PKHD1: variants seen among roughly 807,000 people sequenced by gnomAD.
PKHD1 encodes the protein PKHD1 ciliary IPT domain containing fibrocystin/polyductin, also known as fibrocystin.
PKHD1 carries 291 observed loss-of-function variants against 412.0 expected under a neutral mutation model. The observed-to-expected ratio is 0.71, with a 90% confidence interval of 0.64 to 0.78. PKHD1 has a LOEUF of 0.78. Ranked by LOEUF, PKHD1 falls within the 30% of genes least tolerant of loss-of-function variation. The probability of loss-of-function intolerance (pLI) is 0.00; values close to 1 mark genes in which losing one functional copy is unlikely to be tolerated. For missense variants in PKHD1, 4,825 were observed against 4,950.7 expected, an observed-to-expected ratio of 0.97 and a Z score of 0.76; for synonymous variants, 1,777 against 1,821.5, an observed-to-expected ratio of 0.98 and a Z score of 0.62.
chr6:51,696,865 A>G (rs921766020), intron 60 of PKHD1, among the ~76,000 whole-genome samples: 1 of 152,026 alleles, frequency 6.6e-6, no homozygotes, highest in African/African-American at 2.4e-5. Flanking sequence ...AGAGAGGAAA[A>G]CAGTATTTAG....
At chr6:51,959,512 C>A (rs1371827864) in intron 36 of PKHD1, among the ~76,000 whole-genome samples, 1 of 152,090 alleles carries the variant, frequency 6.6e-6, no homozygotes, top group Admixed American at 6.6e-5. Flanking sequence ...CAGGGTATTT[C>A]AAAGGCAGCA....
rs115766491 is a variant in PKHD1, at chr6:51,816,847, A to T, written c.8302+14014T>A. Reference sequence around the variant, plus strand: ...GGCTCAGGAGGCTGCCCAATTTGCAAACGGTTCTTTGCTCAATTAAACTCT... The same window carrying T: ...GGCTCAGGAGGCTGCCCAATTTGCATACGGTTCTTTGCTCAATTAAACTCT... On this transcript the variant is annotated intron_variant, in intron 52 of 66. Transcript: ENST00000371117. 5.2e-3 allele frequency among the ~76,000 whole-genome samples: 788 copies of T among 152,342 alleles called. 3 individuals are homozygous for T. The highest frequency in any genetic ancestry group is 0.014 in the Middle Eastern group (4 of 294).
In PKHD1 at chr6:51,661,545, CAAG is replaced by C. The variant is rs1029049843; in HGVS notation, c.10157-1579_10157-1577del. The stretch of plus-strand genomic sequence containing the variant: ...CCTAAACATAAAAAGTAAAGAAATA[CAAG>C]AAGAAGGAAAGAAGAAAGTAGTAAC... On this transcript the variant is annotated intron_variant, in intron 60 of 66. Transcript: ENST00000371117. Among the ~76,000 whole-genome samples the C allele has an allele frequency of 2.0e-5, 3 of 151,818 alleles. No individual in the cohort carries two copies. The East Asian group carries it at 5.8e-4, about 29-fold the overall frequency.
At chr6:51,785,199 T>C (rs976851797) in intron 53 of PKHD1, among the ~76,000 whole-genome samples, 2 of 152,128 alleles carry the variant, frequency 1.3e-5, no homozygotes, top group African/African-American at 2.4e-5. Flanking sequence ...AAAGGAAACT[T>C]TGGAAAATCA....
At chr6:52,067,183 A>T (rs558725987) in intron 11 of PKHD1, among the ~76,000 whole-genome samples, 1 of 152,334 alleles carries the variant, frequency 6.6e-6, no homozygotes, top group East Asian at 1.9e-4. Flanking sequence ...GGAGGCAAAG[A>T]TTGATCCCTT....
chr6:51,993,841 A>C (rs1207692944), intron 35 of PKHD1, among the ~76,000 whole-genome samples: 1 of 152,224 alleles, frequency 6.6e-6, no homozygotes, highest in African/African-American at 2.4e-5. Flanking sequence ...GTTAGACTGA[A>C]AAGAAACCTT....
At chr6:51,642,903 T>C (rs754172825) in intron 63 of PKHD1, among the ~76,000 whole-genome samples, 8 of 151,982 alleles carry the variant, frequency 5.3e-5, no homozygotes, top group Non-Finnish European at 1.0e-4. Flanking sequence ...TAGGTATGGA[T>C]AAGGTCTGGA....
chr6:51,990,155 TA>T (rs1796869442), intron 35 of PKHD1, among the ~76,000 whole-genome samples: 1 of 151,716 alleles, frequency 6.6e-6, no homozygotes, highest in South Asian at 2.1e-4. Context: ...CCCTCCAGGC[TA>T]TTGCCCTCAT....
chr6:51,886,823 C>G (rs1778284485), intron 44 of PKHD1, among the ~76,000 whole-genome samples: 1 of 152,088 alleles, frequency 6.6e-6, no homozygotes, highest in Non-Finnish European at 1.5e-5. Context: ...AACGTTCTTA[C>G]AGTAATAATA....
intron 60 of PKHD1, among the ~76,000 whole-genome samples, chr6:51,699,431 T>A (rs978262074): frequency 3.9e-5 from 6 of 152,194 alleles, no homozygotes; most frequent in African/African-American, 1.2e-4. Context: ...TTTTTACTTC[T>A]CAACACTAGT....
intron 35 of PKHD1, among the ~76,000 whole-genome samples, chr6:52,005,974 G>A: frequency 6.7e-6 from 1 of 148,228 alleles, no homozygotes; most frequent in Non-Finnish European, 1.5e-5. Flanking sequence ...CGGCCCTAAA[G>A]CATGTGGGAG....
intron 42 of PKHD1, 100 bp downstream of exon 42, chr6:51,903,885 TA>T: frequency 1.5e-6 from 1 of 668,718 alleles, no homozygotes; most frequent in Non-Finnish European, 2.5e-6. Context: ...GTATGCACAA[TA>T]AACTTAAGAG....
chr6:51,817,320 G>T (rs184602440), intron 52 of PKHD1, among the ~76,000 whole-genome samples: 1 of 87,874 alleles, frequency 1.1e-5, no homozygotes, highest in East Asian at 3.9e-4. Flanking sequence ...TCTCTTTTCC[G>T]CAGGATTTAG....
At chr6:51,756,498 T>C (rs1735074860) in intron 55 of PKHD1, among the ~76,000 whole-genome samples, 1 of 152,188 alleles carries the variant, frequency 6.6e-6, no homozygotes, top group African/African-American at 2.4e-5. Context: ...TCTATGAAAT[T>C]ATAAGAAGTC....
intron 52 of PKHD1, among the ~76,000 whole-genome samples, chr6:51,826,573 CA>C (rs1767363367): frequency 6.6e-6 from 1 of 152,178 alleles, no homozygotes; most frequent in Non-Finnish European, 1.5e-5. Flanking sequence ...CGTAGTAAGG[CA>C]GAACTTGTTC....
intron 52 of PKHD1, among the ~76,000 whole-genome samples, chr6:51,804,009 T>C (rs986349195): frequency 1.3e-5 from 2 of 151,352 alleles, no homozygotes; most frequent in Non-Finnish European, 2.9e-5. Flanking sequence ...GGTAATGAAA[T>C]TGATGGGATG....
chr6:51,880,630 G>C (rs1407492026), intron 46 of PKHD1, among the ~76,000 whole-genome samples: 4 of 24,684 alleles, frequency 1.6e-4, no homozygotes, highest in Admixed American at 6.6e-4. Context: ...GTCGGGGGAG[G>C]GGGGAGGGAT....
intron 36 of PKHD1, among the ~76,000 whole-genome samples, chr6:51,945,023 C>T (rs1170767213): frequency 6.6e-6 from 1 of 152,174 alleles, no homozygotes; most frequent in Non-Finnish European, 1.5e-5. Flanking sequence ...CAAAGGATTC[C>T]CTAACAATTT....
chr6:51,766,470 T>C (rs1054159166), intron 55 of PKHD1, among the ~76,000 whole-genome samples: 1 of 152,136 alleles, frequency 6.6e-6, no homozygotes, highest in Non-Finnish European at 1.5e-5. Flanking sequence ...CAAATTAAAA[T>C]TTAAAAATGG....
Sources: gnomAD v4.1 joint callset for allele counts (sites outside exome capture counted in the v4.1 genomes callset) on GRCh38, gnomAD v4.1.1 for gene constraint, MANE v1.5 for transcripts, NCBI Gene and HGNC (gene_info 2026-07-23, HGNC 2026-07-21) for gene names.